RFTN1: variants seen among roughly 807,000 people sequenced by gnomAD.
The protein encoded by RFTN1 is raftlin, lipid raft linker 1, also known as raftlin.
In RFTN1, 26 loss-of-function variants were observed where a neutral mutation model predicts 46.5. That is an observed-to-expected ratio of 0.56 (90% confidence interval 0.41 to 0.78). The LOEUF (loss-of-function observed/expected upper bound fraction) is 0.78, where lower values mean the gene tolerates loss of function less well. Ranked by LOEUF, RFTN1 falls within the 30% of genes least tolerant of loss-of-function variation. The pLI is 0.00. For missense variants in RFTN1, 693 were observed against 718.7 expected, an observed-to-expected ratio of 0.96 and a Z score of 0.41; for synonymous variants, 261 against 284.2, an observed-to-expected ratio of 0.92 and a Z score of 0.82.
chr3:16,368,679 A>C (rs532348122), intron 6 of RFTN1, among the ~76,000 whole-genome samples: 35 of 144,704 alleles, frequency 2.4e-4, no homozygotes, highest in Middle Eastern at 3.6e-3. Flanking sequence ...ACTCTGTCCA[A>C]AAAAAAAAAA....
rs2125449020 is a variant in RFTN1 at position 16,410,206 on chromosome 3, A to G, written c.333-723T>C. On this transcript the variant is annotated intron_variant, in intron 3 of 9. Coordinates refer to ENST00000334133, the MANE Select transcript of RFTN1 (RefSeq NM_015150.2). This position sits in a 1 kb window ranked among gnomAD's most constrained non-coding sequence, Gnocchi z 4.6. ...ATGGGTTTGGTACAATACAGCTTAC[A>G]TGTTATACACACACACACACACACA... 7.1e-6 allele frequency among the ~76,000 whole-genome samples: 1 copy of G among 140,768 alleles called. No individual in the cohort carries two copies. Among genetic ancestry groups the G allele is most frequent in the Non-Finnish European group, 1.5e-5 (1 of 65,892 alleles). 92.3% of individuals were successfully genotyped at this position (140,768 alleles called of 152,430 possible). A position where few individuals can be genotyped will look rare whatever the true frequency, so the allele number is the denominator to read the frequency against.
In RFTN1 at chr3:16,458,369, T is replaced by C. The variant is rs2075950530; in HGVS notation, c.146-24332A>G. The stretch of plus-strand genomic sequence containing the variant: ...GGTGCTGGAGTTTCAGGTAGTGGGG[T>C]GCTATGCCCAGGATACAGCAGAAAG... On this transcript the variant is annotated intron_variant, in intron 2 of 9. Transcript: ENST00000334133. This position sits in a 1 kb window ranked among gnomAD's most constrained non-coding sequence, Gnocchi z 5.1. Among the ~76,000 whole-genome samples, 1 of 152,164 alleles carries C rather than the reference T, an allele frequency of 6.6e-6. No individual in the cohort carries two copies. Among genetic ancestry groups the C allele is most frequent in the Admixed American group, 6.5e-5 (1 of 15,280 alleles).
Position 16,352,866 on chromosome 3 carries a change from G to C in RFTN1, c.1146+5066C>G, listed in dbSNP as rs1352912621. 6.6e-6 allele frequency among the ~76,000 whole-genome samples: 1 copy of C among 152,228 alleles called. No individual in the cohort carries two copies. Among genetic ancestry groups the C allele is most frequent in the Non-Finnish European group, 1.5e-5 (1 of 68,034 alleles). On this transcript the variant is annotated intron_variant, in intron 7 of 9. Coordinates refer to ENST00000334133, the MANE Select transcript of RFTN1 (RefSeq NM_015150.2). The surrounding 1 kb of genome is among the most constrained non-coding windows in gnomAD (Gnocchi z 4.6). Reference sequence around the variant, plus strand: ...TAGTCTGTCACTCAGCTTGGAATCAGAGAGGCAGGATGCACACTCAGGCCA... The same window carrying C: ...TAGTCTGTCACTCAGCTTGGAATCACAGAGGCAGGATGCACACTCAGGCCA...
chr3:16,317,200 G>T lies in RFTN1; in HGVS notation c.1365C>A (p.His455Gln), dbSNP rs753546296. 5.0e-5 allele frequency: 80 copies of T among 1,613,120 alleles called. No individual in the cohort carries two copies. In the East Asian group the frequency reaches 1.7e-3, roughly 33 times the overall value. Residue 455 changes from histidine (H) to glutamine (Q), a missense_variant, in exon 10 of 10, where the codon CAC becomes CAA. By Grantham distance (24) the His-to-Gln change is conservative (BLOSUM62 0). Coordinates refer to ENST00000334133, the MANE Select transcript of RFTN1 (RefSeq NM_015150.2). This position sits in a 1 kb window ranked among gnomAD's most constrained non-coding sequence, Gnocchi z 4.3. ...FQWRFSREEMHNRQMRKSKGK... is the reference protein window; with the variant it reads ...FQWRFSREEMQNRQMRKSKGK... The stretch of plus-strand genomic sequence containing the variant: ...CTTTTGATTTCCTCATCTGCCTGTT[G>T]TGCATTTCTTCTCTGGAGAATCGCC...
chr3:16,325,624 T>C (rs2069616191), intron 8 of RFTN1, among the ~76,000 whole-genome samples: 3 of 152,176 alleles, frequency 2.0e-5, no homozygotes, highest in Admixed American at 6.5e-5. Flanking sequence ...ACCACTGCAT[T>C]GCCCTATGCC....
Position 16,429,979 on chromosome 3 carries a change from T to G in RFTN1, c.332+3872A>C, listed in dbSNP as rs562266497. 2.0e-5 allele frequency among the ~76,000 whole-genome samples: 3 copies of G among 152,266 alleles called. No homozygotes were observed. Among genetic ancestry groups the G allele is most frequent in the Non-Finnish European group, 4.4e-5 (3 of 68,048 alleles). Reference sequence around the variant, plus strand: ...CATTTCATTTAACAGCATCTATAACTGTCAGAACTTTGGCAGACTTTGTGA... The same window carrying G: ...CATTTCATTTAACAGCATCTATAACGGTCAGAACTTTGGCAGACTTTGTGA... On this transcript the variant is annotated intron_variant, in intron 3 of 9. Coordinates refer to ENST00000334133, the MANE Select transcript of RFTN1 (RefSeq NM_015150.2). The surrounding 1 kb of genome is among the most constrained non-coding windows in gnomAD (Gnocchi z 6.4).
chr3:16,434,109 T>G, intron 2 of RFTN1, 72 bp from the exon 3 acceptor site: 1 of 1,327,294 alleles, frequency 7.5e-7, no homozygotes, highest in Non-Finnish European at 1.0e-6. Flanking sequence ...AAACCCCTCT[T>G]CCCTTGCCCT....
rs1270313472 is a variant in RFTN1 at position 16,480,194 on chromosome 3, G to C, written c.145+13531C>G. Among the ~76,000 whole-genome samples, 3 of 152,190 alleles carry C rather than the reference G, an allele frequency of 2.0e-5. No homozygotes were observed. The highest frequency in any genetic ancestry group is 7.2e-5 in the African/African-American group (3 of 41,444). ...GAAAAGTCCACCCACAAGCTTGCCA[G>C]CTCCCTTGGGAATATATTATTATAC... On this transcript the variant is annotated intron_variant, in intron 2 of 9. Transcript: ENST00000334133. This position sits in a 1 kb window ranked among gnomAD's most constrained non-coding sequence, Gnocchi z 4.3.
chr3:16,510,933 G>A (rs2076890555), intron 1 of RFTN1, among the ~76,000 whole-genome samples: 2 of 152,264 alleles, frequency 1.3e-5, no homozygotes, highest in South Asian at 2.1e-4. Flanking sequence ...AACAAACTGT[G>A]GAGTAAGACA....
At chr3:16,349,530 C>T (rs761931121) in intron 7 of RFTN1, 3 of 152,226 alleles carry the variant, frequency 2.0e-5, no homozygotes, top group African/African-American at 4.8e-5. Flanking sequence ...ATGTGAACTA[C>T]GTATGTGCAT....
rs2068870648 is a variant in RFTN1 at position 16,320,060 on chromosome 3, AAAAAAG to A, written c.1333-2834_1333-2829del. On this transcript the variant is annotated intron_variant, in intron 9 of 9. Transcript: ENST00000334133. This position sits in a 1 kb window ranked among gnomAD's most constrained non-coding sequence, Gnocchi z 4.5. ...AATTCAGAAATAACTGTCTAAAAGA[AAAAAAG>A]AAATCCTTCACTTTACAGCAGTGTG... is the stretch of plus-strand genomic sequence containing the variant. Among the ~76,000 whole-genome samples the A allele has an allele frequency of 6.6e-6, 1 of 152,252 alleles. No individual in the cohort carries two copies. Among genetic ancestry groups the A allele is most frequent in the South Asian group, 2.1e-4 (1 of 4,826 alleles).
Position 16,317,256 on chromosome 3 carries a change from T to C in RFTN1, c.1333-24A>G. ...AACTAGAAATCAGAAAGGATGGGGA[T>C]AAATAACAAGCCTCCGGGAACCCAG... On this transcript the variant is annotated intron_variant, in intron 9 of 9. Transcript: ENST00000334133. This position sits in a 1 kb window ranked among gnomAD's most constrained non-coding sequence, Gnocchi z 4.3. 1.2e-6 allele frequency: 2 copies of C among 1,607,614 alleles called. No homozygotes were observed. Among genetic ancestry groups the C allele is most frequent in the Non-Finnish European group, 1.7e-6 (2 of 1,179,542 alleles).
At chr3:16,403,772 A>ATATT (rs2074689477) in intron 4 of RFTN1, among the ~76,000 whole-genome samples, 1 of 12,274 alleles carries the variant, frequency 8.1e-5, no homozygotes, top group Admixed American at 1.5e-3. Context: ...TATAATATAT[A>ATATT]ATATATATTA....
chr3:16,445,934 T>C (rs1018695663), intron 2 of RFTN1, among the ~76,000 whole-genome samples: 31 of 151,860 alleles, frequency 2.0e-4, no homozygotes, highest in South Asian at 1.2e-3. Context: ...TTTTTTTTTT[T>C]CCCTGTCTTG....
chr3:16,354,594 T>C (rs2072309086), intron 7 of RFTN1, among the ~76,000 whole-genome samples: 1 of 152,248 alleles, frequency 6.6e-6, no homozygotes, highest in East Asian at 1.9e-4. Context: ...CCTTTCGTTG[T>C]CTTGGTGAAT....
chr3:16,438,029 A>C lies in RFTN1; in HGVS notation c.146-3992T>G, dbSNP rs536000240. ...GTTGTCAATCAAACCTAAAAATACTATCCAGCACCAAGATCCCCTCTCCTT... is the reference window on the plus strand; with the variant it reads ...GTTGTCAATCAAACCTAAAAATACTCTCCAGCACCAAGATCCCCTCTCCTT... On this transcript the variant is annotated intron_variant, in intron 2 of 9. Transcript: ENST00000334133. 3.3e-5 allele frequency among the ~76,000 whole-genome samples: 5 copies of C among 152,306 alleles called. No homozygotes were observed. In the East Asian group the frequency reaches 9.6e-4, roughly 29 times the overall value.
rs910718352 is a variant in RFTN1 at position 16,418,612 on chromosome 3, A to T, written c.333-9129T>A. 1.3e-5 allele frequency among the ~76,000 whole-genome samples: 2 copies of T among 152,210 alleles called. No individual in the cohort carries two copies. Among genetic ancestry groups the T allele is most frequent in the Non-Finnish European group, 2.9e-5 (2 of 68,034 alleles). On this transcript the variant is annotated intron_variant, in intron 3 of 9. Coordinates refer to ENST00000334133, the MANE Select transcript of RFTN1 (RefSeq NM_015150.2). This position sits in a 1 kb window ranked among gnomAD's most constrained non-coding sequence, Gnocchi z 5.0. ...AATTCTCTATCTCTGGGAAACAGGA[A>T]GGAATTTTAAGATTTTTGTTTCCCA... is the stretch of plus-strand genomic sequence containing the variant.
In RFTN1 at chr3:16,337,632, C is replaced by G. The variant is rs1022928803; in HGVS notation, c.1147-10756G>C. Among the ~76,000 whole-genome samples the G allele has an allele frequency of 6.6e-5, 10 of 151,522 alleles. No individual in the cohort carries two copies. The highest frequency in any genetic ancestry group is 9.7e-5 in the African/African-American group (4 of 41,202). On this transcript the variant is annotated intron_variant, in intron 7 of 9. Transcript: ENST00000334133. The surrounding 1 kb of genome is among the most constrained non-coding windows in gnomAD (Gnocchi z 5.0). Reference sequence around the variant, plus strand: ...TGGCAGGCGCCTGTAGTCCCAGCTACTCGGGAGGCTGAGGCAGGAGAATCG... The same window carrying G: ...TGGCAGGCGCCTGTAGTCCCAGCTAGTCGGGAGGCTGAGGCAGGAGAATCG...
chr3:16,430,118 G>A (rs1157327924), intron 3 of RFTN1, among the ~76,000 whole-genome samples: 1 of 151,310 alleles, frequency 6.6e-6, no homozygotes, highest in East Asian at 1.9e-4. Flanking sequence ...TTTTTTTGTT[G>A]TTGTTGTTTC....
Sources: allele counts gnomAD v4.1 joint callset (sites outside exome capture counted in the v4.1 genomes callset), GRCh38; gene constraint gnomAD v4.1.1; non-coding constraint Gnocchi (gnomAD v3.1); transcripts MANE v1.5; gene names NCBI Gene and HGNC (gene_info 2026-07-23, HGNC 2026-07-21).